The following NUP214 variants were observed in gnomAD, a reference collection of about 807,000 sequenced individuals.
NUP214 encodes the protein nucleoporin 214.
In NUP214, 79 loss-of-function variants were observed where a neutral mutation model predicts 196.2. The ratio of observed to expected loss-of-function variants is 0.40; its 90% CI spans 0.34 to 0.49. NUP214 has a LOEUF of 0.49. Among genes scored for constraint, NUP214 ranks in the 20% least tolerant of loss-of-function variants. The probability of loss-of-function intolerance (pLI) is 0.58; values close to 1 mark genes in which losing one functional copy is unlikely to be tolerated. For synonymous variants in NUP214, 1,020 were observed against 990.5 expected (o/e 1.03, Z -0.56); for missense variants, 2,468 against 2,539.0 (o/e 0.97, Z 0.60).
intron 7 of NUP214, 28 bp from the exon 8 acceptor site, chr9:131,134,870 A>AT: frequency 1.3e-5 from 20 of 1,511,062 alleles, no homozygotes; most frequent in Non-Finnish European, 1.3e-5. Context: ...GCACATGAGA[A>AT]TTTTTTTTCT....
At chr9:131,226,413 T>G (rs1272885779) in intron 32 of NUP214, among the ~76,000 whole-genome samples, 1 of 152,054 alleles carries the variant, frequency 6.6e-6, no homozygotes, top group Non-Finnish European at 1.5e-5. Context: ...GTTTGGGGGC[T>G]TTTTCTCTCT....
intron 21 of NUP214, among the ~76,000 whole-genome samples, chr9:131,170,234 G>A (rs866813579): frequency 2.0e-5 from 3 of 152,096 alleles, no homozygotes; most frequent in South Asian, 2.1e-4. Context: ...GCTTGAACCC[G>A]GGAGGCAGAG....
Position 131,130,161 on chromosome 9 carries a change from T to TTTG in NUP214, c.593-605_593-604insTTG, listed in dbSNP as rs1554728091. On this transcript the variant is annotated intron_variant, in intron 4 of 35. Coordinates refer to ENST00000359428, the MANE Select transcript of NUP214 (RefSeq NM_005085.4). ...TGTTTTTTTTTTTTTGTTTTTTTTT[T>TTTG]GAGACAGAGTCTTGCTCTGTCGCCC... is the stretch of plus-strand genomic sequence containing the variant. Among the ~76,000 whole-genome samples the TTTG allele has an allele frequency of 1.3e-3, 182 of 136,450 alleles. 14 individuals carry two copies. Among genetic ancestry groups the TTTG allele is most frequent in the Middle Eastern group, 4.2e-3 (1 of 240 alleles). The allele number at this position is 136,450 out of a possible 152,430, so 89.5% of individuals were successfully genotyped here.
In NUP214 at chr9:131,175,568, C is replaced by T. The variant is rs140412899; in HGVS notation, c.3266C>T (p.Pro1089Leu). ...AGTCCTTCCCACCCCATCTCAGCCC[C>T]GCAGGCAGCTGCCGCAGCAGCACTC... ...APSPSHPISA[P>L]QAAAAAALRR... The change falls in exon 23 of 36, where the codon CCG (proline) becomes CTG (leucine). Residue 1089 changes from proline (P) to leucine (L), a missense_variant. Transcript: ENST00000359428. 8.5e-5 allele frequency: 137 copies of T among 1,614,194 alleles called. No individual in the cohort carries two copies. Among genetic ancestry groups the T allele is most frequent in the East Asian group, 7.1e-4 (32 of 44,870 alleles).
chr9:131,150,890 G>A lies in NUP214; in HGVS notation c.2277+125G>A, dbSNP rs540682605. The A allele has an allele frequency of 1.9e-5, 17 of 876,294 alleles. No homozygotes were observed. The African/African-American group carries it at 2.0e-4, about 10-fold the overall frequency. 54.3% of individuals were successfully genotyped at this position (876,294 alleles called of 1,614,324 possible). On this transcript the variant is annotated intron_variant, in intron 16 of 35. Coordinates refer to ENST00000359428, the MANE Select transcript of NUP214 (RefSeq NM_005085.4). ...CCAGTGTTGTTGTTTTTTTAACGTGGCTGAGTAGCTTGCCTAGAATCCCTG... is the reference window on the plus strand; with the variant it reads ...CCAGTGTTGTTGTTTTTTTAACGTGACTGAGTAGCTTGCCTAGAATCCCTG...
At chr9:131,217,792 T>A (rs763837555) in intron 31 of NUP214, among the ~76,000 whole-genome samples, 14 of 152,210 alleles carry the variant, frequency 9.2e-5, no homozygotes, top group Non-Finnish European at 1.2e-4. Flanking sequence ...CCTATAAACA[T>A]TCGTTTACTC....
chr9:131,213,506 C>A (rs2131076699), intron 30 of NUP214, among the ~76,000 whole-genome samples: 1 of 152,220 alleles, frequency 6.6e-6, no homozygotes, highest in South Asian at 2.1e-4. Flanking sequence ...TTAAGCTGAA[C>A]CATTTGAGGT....
Position 131,144,699 on chromosome 9 carries a change from A to T in NUP214, c.1714A>T (p.Met572Leu), listed in dbSNP as rs61751470. The T allele has an allele frequency of 6.2e-7, 1 of 1,613,974 alleles. No homozygotes were observed. The highest frequency in any genetic ancestry group is 1.7e-5 in the Admixed American group (1 of 59,994). ...VPSVSAPNIA[M>L]KPSFPPSTSA... ...AAGTGTGTCTGCTCCAAATATAGCAATGAAGCCCTCCTTCCCACCCTCAAC... is the reference window on the plus strand; with the variant it reads ...AAGTGTGTCTGCTCCAAATATAGCATTGAAGCCCTCCTTCCCACCCTCAAC... The change falls in exon 12 of 36, where the codon ATG (methionine) becomes TTG (leucine). Residue 572 changes from methionine (M) to leucine (L), a missense_variant. By Grantham distance (15) the Met-to-Leu change is conservative (BLOSUM62 2). Coordinates refer to ENST00000359428, the MANE Select transcript of NUP214 (RefSeq NM_005085.4).
intron 32 of NUP214, among the ~76,000 whole-genome samples, chr9:131,227,828 C>G (rs980904780): frequency 6.6e-6 from 1 of 152,100 alleles, no homozygotes; most frequent in Non-Finnish European, 1.5e-5. Context: ...CGAGTGGGCT[C>G]TTGGAGGTCT....
chr9:131,228,342 T>C lies in NUP214; in HGVS notation c.6074+11T>C. Reference sequence around the variant, plus strand: ...CGCAGGAGGATTCGGGTAAGCCCCCTGGGGAGGGCCCTTGGGAACCCACAC... The same window carrying C: ...CGCAGGAGGATTCGGGTAAGCCCCCCGGGGAGGGCCCTTGGGAACCCACAC... On this transcript the variant is annotated intron_variant, in intron 33 of 35. Transcript: ENST00000359428. 6.4e-7 allele frequency: 1 copy of C among 1,572,708 alleles called. No individual in the cohort carries two copies. Among genetic ancestry groups the C allele is most frequent in the Non-Finnish European group, 8.6e-7 (1 of 1,166,460 alleles).
At position 131,125,657 on chromosome 9, in the gene NUP214, G is replaced by A. The variant is rs375056019; in HGVS notation, c.-48G>A. The A allele has an allele frequency of 8.7e-5, 134 of 1,544,696 alleles. No homozygotes were observed. The African/African-American group carries it at 1.7e-3, about 20-fold the overall frequency. ...CGAGCGGCCTGGGTTCCGTGGGCAA[G>A]GCCGTGGGAGGCAGCGTTGGCTGCT... is the stretch of plus-strand genomic sequence containing the variant. On this transcript the variant is annotated 5_prime_UTR_variant, in exon 1 of 36. Coordinates refer to ENST00000359428, the MANE Select transcript of NUP214 (RefSeq NM_005085.4). This position sits in a 1 kb window ranked among gnomAD's most constrained non-coding sequence, Gnocchi z 4.1.
chr9:131,163,889 A>G lies in NUP214; in HGVS notation c.2743A>G (p.Ser915Gly). The G allele has an allele frequency of 6.2e-7, 1 of 1,614,172 alleles. No individual in the cohort carries two copies. The highest frequency in any genetic ancestry group is 8.5e-7 in the Non-Finnish European group (1 of 1,180,018). The change falls in exon 20 of 36, where the codon AGC becomes GGC. Residue 915 changes from serine (S) to glycine (G), a missense_variant. Physicochemically the swap from Ser to Gly is moderately conservative, Grantham distance 56. Transcript: ENST00000359428. ...SIHSFDSDLE[S>G]LCNALLKTTI... is the part of the protein sequence containing the mutation. The stretch of plus-strand genomic sequence containing the variant: ...TTTCAGTTTTGACAGTGACCTGGAA[A>G]GCCTGTGCAATGCTTTGTTGAAAAC...
intron 21 of NUP214, among the ~76,000 whole-genome samples, chr9:131,171,250 T>C (rs1832948069): frequency 6.6e-6 from 1 of 152,180 alleles, no homozygotes; most frequent in Non-Finnish European, 1.5e-5. Context: ...GGCAGGTAAA[T>C]TGCCTCAGAA....
At chr9:131,177,776 C>T (rs1350768170) in intron 23 of NUP214, among the ~76,000 whole-genome samples, 1 of 152,156 alleles carries the variant, frequency 6.6e-6, no homozygotes, top group Non-Finnish European at 1.5e-5. Flanking sequence ...TTAGTCTCTT[C>T]TCCCATTATT....
In NUP214 at chr9:131,163,861, C is replaced by G. The variant is rs1044735424; in HGVS notation, c.2724-9C>G. 1.2e-6 allele frequency: 2 copies of G among 1,611,986 alleles called. No individual in the cohort carries two copies. Among genetic ancestry groups the G allele is most frequent in the Non-Finnish European group, 8.5e-7 (1 of 1,178,248 alleles). Reference sequence around the variant, plus strand: ...TAGTTGGTCTGTATCTAACACTGTTCTGTTTCAGTTTTGACAGTGACCTGG... The same window carrying G: ...TAGTTGGTCTGTATCTAACACTGTTGTGTTTCAGTTTTGACAGTGACCTGG... On this transcript the variant is annotated splice_polypyrimidine_tract_variant and intron_variant, in intron 19 of 35. Transcript: ENST00000359428.
intron 5 of NUP214, among the ~76,000 whole-genome samples, 179 bp downstream of exon 5, chr9:131,131,015 C>T (rs556308032): frequency 1.3e-5 from 2 of 152,304 alleles, no homozygotes; most frequent in South Asian, 4.1e-4. Context: ...CCAGAGGCAC[C>T]CACTATGTTG....
In NUP214 at chr9:131,132,611, A is replaced by G; in HGVS notation, c.679A>G (p.Lys227Glu). ...VQYLPTLQEK[K>E]VIPCPPFYES... ...TCTCTTTCAGACTTTGCAGGAAAAAAAAGTCATTCCTTGTCCTCCGTTTTA... is the reference window on the plus strand; with the variant it reads ...TCTCTTTCAGACTTTGCAGGAAAAAGAAGTCATTCCTTGTCCTCCGTTTTA... The change falls in exon 6 of 36, where the codon AAA becomes GAA. Residue 227 changes from lysine to glutamate, a missense_variant. Around this residue, in one of 5 missense-constraint regions of NUP214, gnomAD observed 392 missense variants for 417.9 expected, o/e 0.94. Transcript: ENST00000359428. 1 of 1,614,088 alleles carries G rather than the reference A, an allele frequency of 6.2e-7. No homozygotes were observed. Among genetic ancestry groups the G allele is most frequent in the Non-Finnish European group, 8.5e-7 (1 of 1,179,958 alleles).
Position 131,163,066 on chromosome 9 carries a change from G to C in NUP214, c.2616G>C (p.Arg872Ser), listed in dbSNP as rs1832688620. 1 of 1,614,070 alleles carries C rather than the reference G, an allele frequency of 6.2e-7. No individual in the cohort carries two copies. The highest frequency in any genetic ancestry group is 8.5e-7 in the Non-Finnish European group (1 of 1,180,030). Residue 872 changes from arginine (R) to serine (S), a missense_variant, in exon 19 of 36, where the codon AGG becomes AGC. Coordinates refer to ENST00000359428, the MANE Select transcript of NUP214 (RefSeq NM_005085.4). ...ANNREIINQQ[R>S]KRLNHLVDSL... is the part of the protein sequence containing the mutation. ...ATCGGGAAATCATCAACCAACAGAG[G>C]AAGAGGCTGAATCACCTGGTGGATA...
intron 32 of NUP214, 91 bp downstream of exon 32, chr9:131,223,021 C>A: frequency 7.8e-7 from 1 of 1,276,200 alleles, no homozygotes; most frequent in South Asian, 1.5e-5. Context: ...GGGTGGTTAT[C>A]TTAAGAGAGT....
Sources: gnomAD v4.1 joint callset for allele counts (sites outside exome capture counted in the v4.1 genomes callset) on GRCh38, gnomAD v4.1.1 for gene constraint, gnomAD v4.1.1 regional missense constraint, Gnocchi (gnomAD v3.1) non-coding constraint, MANE v1.5 for transcripts, NCBI Gene and HGNC (gene_info 2026-07-23, HGNC 2026-07-21) for gene names.